Variants in EPHA3 observed in about 807,000 individuals in gnomAD.
The protein encoded by EPHA3 is ephrin type-A receptor 3.
EPHA3 carries 42 observed loss-of-function variants against 107.1 expected under a neutral mutation model. The observed-to-expected ratio is 0.39, with a 90% CI of 0.31 to 0.51. The LOEUF is 0.51. Ranked by LOEUF, EPHA3 falls within the 20% of genes least tolerant of loss-of-function variation. The pLI, the probability that EPHA3 is intolerant of heterozygous loss-of-function variation, is 0.78. For synonymous variants in EPHA3, 461 were observed against 424.8 expected (o/e 1.09, Z -1.05); for missense variants, 1,183 against 1,211.2 (o/e 0.98, Z 0.35).
At chr3:89,458,656 A>G (rs777292440) in intron 15 of EPHA3, among the ~76,000 whole-genome samples, 8 of 152,256 alleles carry the variant, frequency 5.3e-5, no homozygotes, top group Non-Finnish European at 1.2e-4. Context: ...AAGCATTCCT[A>G]TTTCTCTGCA....
At chr3:89,283,728 C>A (rs2107318362) in intron 3 of EPHA3, among the ~76,000 whole-genome samples, 1 of 152,198 alleles carries the variant, frequency 6.6e-6, no homozygotes, top group African/African-American at 2.4e-5. Context: ...CACGGTGAAA[C>A]ACAAGAGAGA....
At chr3:89,287,421 A>G (rs1706114678) in intron 3 of EPHA3, among the ~76,000 whole-genome samples, 1 of 152,156 alleles carries the variant, frequency 6.6e-6, no homozygotes, top group Non-Finnish European at 1.5e-5. Flanking sequence ...GATAATTCTC[A>G]ATGAAAAGAA....
chr3:89,402,038 G>C (rs1273705146), intron 7 of EPHA3, among the ~76,000 whole-genome samples: 1 of 152,148 alleles, frequency 6.6e-6, no homozygotes, highest in African/African-American at 2.4e-5. Flanking sequence ...ATCACTATTA[G>C]ATAAACATGT....
chr3:89,203,132 A>G (rs1054006616), intron 2 of EPHA3, among the ~76,000 whole-genome samples: 6 of 152,208 alleles, frequency 3.9e-5, no homozygotes, highest in Admixed American at 1.3e-4. Context: ...GGAGCATCCT[A>G]TCAGTTCAGG....
intron 13 of EPHA3, among the ~76,000 whole-genome samples, chr3:89,444,783 C>G (rs1040305767): frequency 4.0e-5 from 6 of 151,764 alleles, no homozygotes; most frequent in Non-Finnish European, 7.4e-5. Flanking sequence ...TTCCTGTTTC[C>G]CTCAATGATG....
chr3:89,128,335 G>A (rs1559743693), intron 2 of EPHA3, among the ~76,000 whole-genome samples: 1 of 152,048 alleles, frequency 6.6e-6, no homozygotes, highest in Non-Finnish European at 1.5e-5. Flanking sequence ...CTAAAATCAA[G>A]CCTTCATTAG....
chr3:89,172,809 G>A (rs533404615), intron 2 of EPHA3, among the ~76,000 whole-genome samples: 3 of 151,960 alleles, frequency 2.0e-5, no homozygotes, highest in Non-Finnish European at 4.4e-5. Context: ...GCATGTCATA[G>A]GTATAGAATT....
intron 3 of EPHA3, among the ~76,000 whole-genome samples, chr3:89,298,916 A>C (rs1316987057): frequency 1.3e-5 from 2 of 152,132 alleles, no homozygotes; most frequent in Non-Finnish European, 2.9e-5. Flanking sequence ...TACTATCATC[A>C]TGAAGATGAT....
chr3:89,129,832 C>T (rs1452687210), intron 2 of EPHA3, among the ~76,000 whole-genome samples: 2 of 151,382 alleles, frequency 1.3e-5, no homozygotes, highest in East Asian at 1.9e-4. Context: ...CTTGCTGAAA[C>T]GTTTTTCATA....
At position 89,386,164 on chromosome 3, in the gene EPHA3, T is replaced by A. The variant is rs59284753; in HGVS notation, c.1307-9673T>A. 5.6e-3 allele frequency among the ~76,000 whole-genome samples: 836 copies of A among 149,286 alleles called. 6 individuals are homozygous for A. The highest frequency in any genetic ancestry group is 0.02 in the African/African-American group (785 of 38,768). ...AGTAGAAAAGAAAAACTCATTTTGG[T>A]GGGGGAGAAATTCAAGCTGGCTGCA... On this transcript the variant is annotated intron_variant, in intron 5 of 16. Transcript: ENST00000336596.
chr3:89,110,211 CTG>C (rs779209741), intron 1 of EPHA3, among the ~76,000 whole-genome samples: 32 of 151,842 alleles, frequency 2.1e-4, no homozygotes, highest in Non-Finnish European at 4.1e-4. Context: ...TATTTCAACA[CTG>C]TAAAAAATTT....
chr3:89,300,837 C>G (rs1428553050), intron 3 of EPHA3, among the ~76,000 whole-genome samples: 3 of 152,072 alleles, frequency 2.0e-5, no homozygotes, highest in Non-Finnish European at 1.5e-5. Context: ...ACGCCTGTTT[C>G]TCCTTACCAT....
At chr3:89,252,911 A>T (rs1164183658) in intron 3 of EPHA3, among the ~76,000 whole-genome samples, 1 of 150,706 alleles carries the variant, frequency 6.6e-6, no homozygotes, top group African/African-American at 2.4e-5. Context: ...AGTATAAAAG[A>T]TCAAAATAGT....
intron 3 of EPHA3, among the ~76,000 whole-genome samples, chr3:89,285,091 C>G: frequency 6.6e-6 from 1 of 152,098 alleles, no homozygotes; most frequent in Non-Finnish European, 1.5e-5. Flanking sequence ...CCACTGCACT[C>G]CAGCTTGGGC....
chr3:89,182,687 C>T (rs1705469996), intron 2 of EPHA3, among the ~76,000 whole-genome samples: 1 of 151,802 alleles, frequency 6.6e-6, no homozygotes, highest in Admixed American at 6.6e-5. Context: ...GTGTGTACTT[C>T]TTTTGCTTTA....
chr3:89,169,564 T>G (rs1705162250), intron 2 of EPHA3, among the ~76,000 whole-genome samples: 1 of 152,232 alleles, frequency 6.6e-6, no homozygotes, highest in Non-Finnish European at 1.5e-5. Flanking sequence ...TTTATGTAAC[T>G]CTTACCCATA....
At chr3:89,149,040 G>C (rs1171831774) in intron 2 of EPHA3, among the ~76,000 whole-genome samples, 2 of 151,928 alleles carry the variant, frequency 1.3e-5, no homozygotes, top group Non-Finnish European at 2.9e-5. Flanking sequence ...ATACCAATCA[G>C]AGATTATAGT....
chr3:89,341,785 C>G lies in EPHA3; in HGVS notation c.1001C>G (p.Ser334Cys). 5 of 1,613,502 alleles carry G rather than the reference C, an allele frequency of 3.1e-6. No individual in the cohort carries two copies. Among genetic ancestry groups the G allele is most frequent in the East Asian group, 2.2e-5 (1 of 44,864 alleles). The change falls in exon 5 of 17, where the codon TCT becomes TGT. Residue 334 changes from serine to cysteine, a missense_variant. Transcript: ENST00000336596. The stretch of plus-strand genomic sequence containing the variant: ...CCATCTTCACCAAGAAATGTTATCT[C>G]TAATATAAACGAGACCTCAGTTATC... ...RPPSSPRNVI[S>C]NINETSVILD...
At chr3:89,216,820 T>G (rs1304494030) in intron 3 of EPHA3, among the ~76,000 whole-genome samples, 1 of 152,150 alleles carries the variant, frequency 6.6e-6, no homozygotes. Context: ...CATGTAATGA[T>G]TCCAGAGAAT....
Sources: gnomAD v4.1 joint callset for allele counts (sites outside exome capture counted in the v4.1 genomes callset) on GRCh38, gnomAD v4.1.1 for gene constraint, MANE v1.5 for transcripts, NCBI Gene and HGNC (gene_info 2026-07-23, HGNC 2026-07-21) for gene names.